The following MEGF11 variants were observed in gnomAD, a reference collection of about 807,000 sequenced individuals.
MEGF11 encodes multiple epidermal growth factor-like domains protein 11.
A neutral mutation model predicts 146.6 loss-of-function variants in MEGF11; 126 were observed. The ratio of observed to expected loss-of-function variants is 0.86; its 90% confidence interval spans 0.74 to 1.00. MEGF11 has a LOEUF of 1.00. MEGF11 is among the 50% of genes least tolerant of loss of function. The pLI is 0.00. For missense variants in MEGF11, 1,509 were observed against 1,521.2 expected (o/e 0.99, Z 0.13); for synonymous variants, 532 against 583.4 (o/e 0.91, Z 1.27).
rs2078738768 is a variant in MEGF11 at position 65,909,744 on chromosome 15, C to CACCACTACTACTCACACCACT, written c.2891_2892insAGTGGTGTGAGTAGTAGTGGT (p.Val964_Leu965insValValTer). 1 of 1,577,680 alleles carries CACCACTACTACTCACACCACT rather than the reference C, an allele frequency of 6.3e-7. No individual in the cohort carries two copies. Among genetic ancestry groups the CACCACTACTACTCACACCACT allele is most frequent in the Non-Finnish European group, 8.5e-7 (1 of 1,169,678 alleles). On this transcript the variant is annotated stop_gained and inframe_insertion, in exon 22 of 26. Coordinates refer to ENST00000395614, the MANE Select transcript of MEGF11 (RefSeq NM_001385028.1). LOFTEE classifies it high-confidence loss of function. The stretch of plus-strand genomic sequence containing the variant: ...CAGACTCACACCACTACTGACCTAA[C>CACCACTACTACTCACACCACT]ACGTTCACATAGCTGTAGGGGGTCC...
At chr15:66,227,734 G>A (rs1426185351) in intron 1 of MEGF11, among the ~76,000 whole-genome samples, 1 of 152,248 alleles carries the variant, frequency 6.6e-6, no homozygotes, top group African/African-American at 2.4e-5. Flanking sequence ...GGCTTCTGCT[G>A]TTTGGGACAT....
At chr15:66,046,932 G>T (rs2084229081) in intron 5 of MEGF11, among the ~76,000 whole-genome samples, 1 of 152,174 alleles carries the variant, frequency 6.6e-6, no homozygotes. Context: ...AGGACAGGGA[G>T]GTCCCCAGGT....
At chr15:66,199,033 T>C (rs2091083683) in intron 1 of MEGF11, among the ~76,000 whole-genome samples, 1 of 152,068 alleles carries the variant, frequency 6.6e-6, no homozygotes, top group African/African-American at 2.4e-5. Flanking sequence ...GTCCTCCTAA[T>C]TGCACTGGGG....
chr15:66,148,948 C>A (rs1358438638), intron 1 of MEGF11, among the ~76,000 whole-genome samples: 1 of 152,206 alleles, frequency 6.6e-6, no homozygotes, highest in African/African-American at 2.4e-5. Flanking sequence ...ACAAGCCAAC[C>A]ACCTCACCAT....
rs34646282 is a variant in MEGF11, at chr15:65,897,629, A to AAT, written c.*303_*304dup. 8,279 of 178,480 alleles carry AAT rather than the reference A, an allele frequency of 0.046. 249 individuals carry two copies. The highest frequency in any genetic ancestry group is 0.066 in the Non-Finnish European group (5,703 of 86,064). 11.1% of individuals were successfully genotyped at this position (178,480 alleles called of 1,614,324 possible). On this transcript the variant is annotated 3_prime_UTR_variant, in exon 26 of 26. Coordinates refer to ENST00000395614, the MANE Select transcript of MEGF11 (RefSeq NM_001385028.1). ...TTTTTAAAATATCACGTTTCAGATA[A>AAT]ATATATATATATATATCAGCTATAT...
chr15:66,232,257 C>G (rs1567292924), intron 1 of MEGF11, among the ~76,000 whole-genome samples: 1 of 151,992 alleles, frequency 6.6e-6, no homozygotes, highest in Non-Finnish European at 1.5e-5. Flanking sequence ...TCTCTGGCAA[C>G]CCTAGCAACT....
At chr15:66,093,744 C>T (rs778404771) in intron 5 of MEGF11, among the ~76,000 whole-genome samples, 58 of 152,170 alleles carry the variant, frequency 3.8e-4, no homozygotes, top group Non-Finnish European at 6.8e-4. Context: ...GCCAGGTATG[C>T]CTTACCCTCT....
intron 4 of MEGF11, among the ~76,000 whole-genome samples, chr15:66,115,472 A>G (rs1331633938): frequency 6.6e-6 from 1 of 152,188 alleles, no homozygotes; most frequent in Non-Finnish European, 1.5e-5. Context: ...CTTTCCTCCC[A>G]TCACAATAAA....
intron 1 of MEGF11, among the ~76,000 whole-genome samples, chr15:66,200,833 C>G (rs2091139842): frequency 6.6e-6 from 1 of 152,090 alleles, no homozygotes; most frequent in Non-Finnish European, 1.5e-5. Context: ...TGAATCGCCT[C>G]TGAGGTTCCT....
At chr15:66,187,002 C>T (rs1336058913) in intron 1 of MEGF11, among the ~76,000 whole-genome samples, 2 of 152,206 alleles carry the variant, frequency 1.3e-5, no homozygotes, top group Non-Finnish European at 2.9e-5. Flanking sequence ...TTTAACCTCT[C>T]TGAACCCCAG....
intron 25 of MEGF11, chr15:65,898,488 C>A: frequency 2.0e-6 from 2 of 985,288 alleles, no homozygotes; most frequent in African/African-American, 1.7e-5. Context: ...CATTTCCCAC[C>A]CCCAGTATTT....
chr15:66,096,288 C>T (rs2086549906), intron 4 of MEGF11, among the ~76,000 whole-genome samples: 1 of 152,240 alleles, frequency 6.6e-6, no homozygotes, highest in Non-Finnish European at 1.5e-5. Flanking sequence ...GGGGTCTCTG[C>T]CGAGGGCGGT....
At chr15:66,089,882 C>T (rs1016027167) in intron 5 of MEGF11, among the ~76,000 whole-genome samples, 1 of 152,182 alleles carries the variant, frequency 6.6e-6, no homozygotes, top group African/African-American at 2.4e-5. Flanking sequence ...TAATAAGAGT[C>T]ACTCTGTCGT....
chr15:66,038,141 A>G (rs1227324724), intron 5 of MEGF11, among the ~76,000 whole-genome samples: 1 of 152,254 alleles, frequency 6.6e-6, no homozygotes, highest in East Asian at 1.9e-4. Context: ...GTAATTAACA[A>G]GATGAATAAT....
Position 65,916,157 on chromosome 15 carries a change from A to C in MEGF11, c.2335T>G (p.Cys779Gly), listed in dbSNP as rs772136365. Reference sequence around the variant, plus strand: ...GGTCAGGGCAGCTTACTCTGCTCACAGTGTTGCCCGGTGAAGCCTGTGCGG... The same window carrying C: ...GGTCAGGGCAGCTTACTCTGCTCACCGTGTTGCCCGGTGAAGCCTGTGCGG... ...TCRTGFTGQH[C>G]EQRCAPGTFG... is the part of the protein sequence containing the mutation. The change falls in exon 18 of 26, where the codon TGT becomes GGT. Residue 779 changes from cysteine to glycine, a missense_variant. Cys to Gly is a radical substitution (Grantham distance 159). Transcript: ENST00000395614. 1.3e-6 allele frequency: 2 copies of C among 1,590,086 alleles called. No homozygotes were observed. Among genetic ancestry groups the C allele is most frequent in the Non-Finnish European group, 1.7e-6 (2 of 1,167,764 alleles).
intron 5 of MEGF11, among the ~76,000 whole-genome samples, chr15:66,062,574 C>T (rs2084947652): frequency 6.6e-6 from 1 of 152,180 alleles, no homozygotes; most frequent in African/African-American, 2.4e-5. Context: ...TCTGATGAGA[C>T]TGCAGCCCAC....
At chr15:65,933,776 T>C (rs542806534) in intron 10 of MEGF11, among the ~76,000 whole-genome samples, 71 of 152,282 alleles carry the variant, frequency 4.7e-4, no homozygotes, top group Non-Finnish European at 8.1e-4. Context: ...CCATCCTGCT[T>C]CCACAGCTTA....
At chr15:66,038,053 A>G (rs1485861648) in intron 5 of MEGF11, among the ~76,000 whole-genome samples, 1 of 152,256 alleles carries the variant, frequency 6.6e-6, no homozygotes, top group Non-Finnish European at 1.5e-5. Context: ...ATGTAATAAA[A>G]TTTCTTTATT....
At chr15:65,987,456 CTTAAGA>C (rs984282652) in intron 5 of MEGF11, among the ~76,000 whole-genome samples, 15 of 152,262 alleles carry the variant, frequency 9.9e-5, no homozygotes, top group East Asian at 9.7e-4. Flanking sequence ...ATTTTATTCT[CTTAAGA>C]TTATCTATTG....
Sources: gnomAD v4.1 joint callset for allele counts (sites outside exome capture counted in the v4.1 genomes callset) on GRCh38, gnomAD v4.1.1 for gene constraint, MANE v1.5 for transcripts, NCBI Gene and HGNC (gene_info 2026-07-23, HGNC 2026-07-21) for gene names.